The following ATP8B4 variants were observed in gnomAD, a reference collection of about 807,000 sequenced individuals.
The protein encoded by ATP8B4 is probable phospholipid-transporting ATPase IM.
A neutral mutation model predicts 145.6 loss-of-function variants in ATP8B4; 133 were observed. The observed-to-expected ratio is 0.91, with a 90% CI of 0.79 to 1.05. The LOEUF is 1.05. ATP8B4 is among the 50% of genes least tolerant of loss of function. The probability of loss-of-function intolerance (pLI) is 0.00; values close to 1 mark genes in which losing one functional copy is unlikely to be tolerated. For synonymous variants in ATP8B4, 507 were observed against 492.9 expected, an observed-to-expected ratio of 1.03 and a Z score of -0.38; for missense variants, 1,458 against 1,425.2, an observed-to-expected ratio of 1.02 and a Z score of -0.37.
At position 50,134,569 on chromosome 15, in the gene ATP8B4, G is replaced by A. The variant is rs567765472; in HGVS notation, c.-42-27561C>T. 3.3e-5 allele frequency among the ~76,000 whole-genome samples: 5 copies of A among 152,318 alleles called. No individual in the cohort carries two copies. In the South Asian group the frequency reaches 1.0e-3, roughly 32 times the overall value. On this transcript the variant is annotated intron_variant, in intron 1 of 3. Coordinates refer to the ATP8B4 transcript ENST00000558829. ...TACTTCAGTCTATCTGGCAAGTGGA[G>A]TGCATAGGAGATAACGGGAAATCAG...
chr15:49,873,489 C>T (rs2033945508), intron 25 of ATP8B4, among the ~76,000 whole-genome samples: 1 of 151,964 alleles, frequency 6.6e-6, no homozygotes, highest in African/African-American at 2.4e-5. Context: ...AAGATAAATG[C>T]TTGTGACACA....
At chr15:49,882,661 A>G (rs374419730) in intron 23 of ATP8B4, among the ~76,000 whole-genome samples, 244 of 152,364 alleles carry the variant, frequency 1.6e-3, no homozygotes, top group African/African-American at 5.7e-3. Context: ...AATACAGTGC[A>G]AAAGTATGAA....
At chr15:50,008,263 T>G (rs1222817490) in intron 7 of ATP8B4, among the ~76,000 whole-genome samples, 1 of 152,172 alleles carries the variant, frequency 6.6e-6, no homozygotes, top group East Asian at 1.9e-4. Context: ...CTAGGTCATG[T>G]GGCGCCACTC....
At chr15:50,153,031 C>T (rs566942409) in intron 1 of ATP8B4, among the ~76,000 whole-genome samples, 1 of 152,178 alleles carries the variant, frequency 6.6e-6, no homozygotes, top group East Asian at 1.9e-4. Flanking sequence ...CCAAAGTTAT[C>T]AAGGAACACC....
At chr15:49,992,643 T>TTAG (rs2047130726) in intron 9 of ATP8B4, among the ~76,000 whole-genome samples, 1 of 152,132 alleles carries the variant, frequency 6.6e-6, no homozygotes, top group South Asian at 2.1e-4. Flanking sequence ...ATTCAGGTCT[T>TTAG]TAGATACTTG....
chr15:49,889,130 G>A (rs1055704596), intron 23 of ATP8B4, among the ~76,000 whole-genome samples: 22 of 152,146 alleles, frequency 1.4e-4, no homozygotes, highest in Non-Finnish European at 2.9e-4. Context: ...AAAGGATATG[G>A]CCATTAGCTT....
chr15:49,954,528 C>G (rs1005761326), intron 14 of ATP8B4, among the ~76,000 whole-genome samples: 12 of 152,132 alleles, frequency 7.9e-5, no homozygotes, highest in Middle Eastern at 3.4e-3. Context: ...AGGACATGAA[C>G]AGACACTTCT....
At chr15:50,146,014 C>CTT (rs10624735) in intron 1 of ATP8B4, among the ~76,000 whole-genome samples, 21,416 of 133,308 alleles carry the variant, frequency 0.16, 2,181 homozygotes, top group Admixed American at 0.19. Flanking sequence ...TAAATGTTTA[C>CTT]TTTTTTTTTT....
chr15:50,058,853 T>G (rs146111436), intron 3 of ATP8B4, among the ~76,000 whole-genome samples: 1 of 151,764 alleles, frequency 6.6e-6, no homozygotes, highest in South Asian at 2.1e-4. Flanking sequence ...GTTTTTTTTT[T>G]GTTGAGTGGC....
chr15:49,876,196 A>G (rs527809764), intron 25 of ATP8B4, 82 bp downstream of exon 25: 5 of 1,521,200 alleles, frequency 3.3e-6, no homozygotes, highest in Admixed American at 2.0e-5. Flanking sequence ...TTTCCCCCCA[A>G]CAAGTAGACA....
intron 1 of ATP8B4, among the ~76,000 whole-genome samples, chr15:50,169,491 T>C (rs2044640970): frequency 6.6e-6 from 1 of 152,114 alleles, no homozygotes; most frequent in South Asian, 2.1e-4. Context: ...GAGTACTATA[T>C]CAAGGGAACA....
At chr15:50,106,334 T>TG (rs1440258495) in intron 2 of ATP8B4, among the ~76,000 whole-genome samples, 1 of 152,184 alleles carries the variant, frequency 6.6e-6, no homozygotes, top group Non-Finnish European at 1.5e-5. Flanking sequence ...CAACACTCTC[T>TG]GGTGTGGACG....
At chr15:49,916,281 G>C (rs1413050291) in intron 20 of ATP8B4, among the ~76,000 whole-genome samples, 1 of 152,076 alleles carries the variant, frequency 6.6e-6, no homozygotes, top group East Asian at 1.9e-4. Context: ...TTTAATGTCT[G>C]TCCACTGCTA....
chr15:49,968,806 A>G (rs2044803987), intron 13 of ATP8B4, among the ~76,000 whole-genome samples: 1 of 152,194 alleles, frequency 6.6e-6, no homozygotes, highest in Non-Finnish European at 1.5e-5. Flanking sequence ...TCCACCCCAA[A>G]TCAACAGAAT....
chr15:50,147,565 C>T (rs892366691), intron 1 of ATP8B4, among the ~76,000 whole-genome samples: 8 of 152,002 alleles, frequency 5.3e-5, no homozygotes, highest in African/African-American at 1.9e-4. Context: ...AGCAGGATCC[C>T]ACGGAGAAAT....
chr15:49,908,548 T>C (rs1241856964), intron 20 of ATP8B4, among the ~76,000 whole-genome samples: 1 of 152,062 alleles, frequency 6.6e-6, no homozygotes, highest in African/African-American at 2.4e-5. Context: ...CTCTCAACCC[T>C]TTCAGACCCT....
chr15:50,133,996 A>C (rs1231627907), intron 1 of ATP8B4, among the ~76,000 whole-genome samples: 2 of 152,190 alleles, frequency 1.3e-5, no homozygotes, highest in Non-Finnish European at 2.9e-5. Flanking sequence ...TAAAATAAAA[A>C]AATGGTAACT....
chr15:50,085,438 T>C (rs1365063555), intron 2 of ATP8B4, among the ~76,000 whole-genome samples: 1 of 152,046 alleles, frequency 6.6e-6, no homozygotes, highest in East Asian at 1.9e-4. Context: ...TGGAGTCTAT[T>C]TATGTGATTC....
At chr15:50,155,459 A>T (rs1342346726) in intron 1 of ATP8B4, among the ~76,000 whole-genome samples, 5 of 152,172 alleles carry the variant, frequency 3.3e-5, no homozygotes, top group African/African-American at 7.2e-5. Context: ...AAACCCAGGA[A>T]AAATGTGTGT....
Sources: allele counts gnomAD v4.1 joint callset (sites outside exome capture counted in the v4.1 genomes callset), GRCh38; gene constraint gnomAD v4.1.1; transcripts MANE v1.5; gene names NCBI Gene and HGNC (gene_info 2026-07-23, HGNC 2026-07-21).